DSCAM: variants seen among roughly 807,000 people sequenced by gnomAD.
DSCAM encodes DS cell adhesion molecule.
Under a neutral mutation model 217.7 loss-of-function variants are expected in DSCAM, and 47 were observed. The ratio of observed to expected loss-of-function variants is 0.22; its 90% CI spans 0.17 to 0.28. The LOEUF is 0.28. DSCAM is among the 10% of genes least tolerant of loss of function. The pLI is 1.00. For missense variants in DSCAM, 2,080 were observed against 2,618.3 expected (o/e 0.79, Z 4.49); for synonymous variants, 1,056 against 1,015.3 (o/e 1.04, Z -0.76).
intron 20 of DSCAM, among the ~76,000 whole-genome samples, chr21:40,095,501 C>A (rs2089664476): frequency 6.6e-6 from 1 of 152,038 alleles, no homozygotes; most frequent in Admixed American, 6.6e-5. Flanking sequence ...ATAGGCAGAT[C>A]GATGGCAACA....
chr21:40,365,621 C>T (rs2074823607), intron 4 of DSCAM, among the ~76,000 whole-genome samples: 1 of 152,068 alleles, frequency 6.6e-6, no homozygotes, highest in Non-Finnish European at 1.5e-5. Flanking sequence ...GACTAGACTC[C>T]AATTTTTACC....
At chr21:40,577,398 G>A (rs763017108) in intron 3 of DSCAM, among the ~76,000 whole-genome samples, 63 of 151,556 alleles carry the variant, frequency 4.2e-4, no homozygotes, top group African/African-American at 5.8e-4. Context: ...TAGTCGATCC[G>A]CTCTCCTCCG....
intron 8 of DSCAM, among the ~76,000 whole-genome samples, chr21:40,314,341 C>A (rs8127860): frequency 6.6e-6 from 1 of 152,084 alleles, no homozygotes; most frequent in African/African-American, 2.4e-5. Flanking sequence ...TCAAAGGTAC[C>A]GACAAGCATA....
intron 4 of DSCAM, among the ~76,000 whole-genome samples, chr21:40,358,498 T>C (rs73229130): frequency 0.064 from 9,762 of 152,018 alleles, 391 homozygotes; most frequent in East Asian, 0.21. Context: ...AAAATCAACA[T>C]AATAAACTTC....
chr21:40,743,140 G>C (rs182305066), intron 1 of DSCAM, among the ~76,000 whole-genome samples: 57 of 152,272 alleles, frequency 3.7e-4, no homozygotes, highest in Non-Finnish European at 6.2e-4. Context: ...CCTGAATACA[G>C]AGTGGCTGAA....
At chr21:40,052,511 C>T (rs2088949757) in intron 29 of DSCAM, among the ~76,000 whole-genome samples, 1 of 152,178 alleles carries the variant, frequency 6.6e-6, no homozygotes, top group Non-Finnish European at 1.5e-5. Context: ...AGACAGGTCC[C>T]TTTGGCTGCT....
intron 3 of DSCAM, among the ~76,000 whole-genome samples, chr21:40,569,014 T>C (rs192795277): frequency 4.7e-4 from 72 of 152,254 alleles, no homozygotes; most frequent in African/African-American, 1.7e-3. Flanking sequence ...AGATAGGCTG[T>C]TTATCCCCCT....
At chr21:40,724,498 G>A (rs1218539280) in intron 1 of DSCAM, among the ~76,000 whole-genome samples, 6 of 152,036 alleles carry the variant, frequency 3.9e-5, no homozygotes, top group African/African-American at 1.2e-4. Flanking sequence ...TGGAGAGAGA[G>A]GGAAAAAATT....
At chr21:40,673,888 G>A (rs932412576) in intron 3 of DSCAM, among the ~76,000 whole-genome samples, 1 of 152,114 alleles carries the variant, frequency 6.6e-6, no homozygotes, top group Admixed American at 6.5e-5. Context: ...AGAACCGTGA[G>A]CCGGTTAAAT....
chr21:40,218,171 A>AAC, intron 11 of DSCAM, among the ~76,000 whole-genome samples: 1 of 152,030 alleles, frequency 6.6e-6, no homozygotes, highest in African/African-American at 2.4e-5. Flanking sequence ...ATTTTTGTAC[A>AAC]TGTTGTAAGA....
intron 3 of DSCAM, among the ~76,000 whole-genome samples, chr21:40,533,521 C>A (rs1004093823): frequency 6.6e-6 from 1 of 151,266 alleles, no homozygotes; most frequent in Non-Finnish European, 1.5e-5. Context: ...ATCCATCCAT[C>A]CATCTGTCCA....
At chr21:40,258,540 T>A (rs2073405301) in intron 11 of DSCAM, among the ~76,000 whole-genome samples, 1 of 152,260 alleles carries the variant, frequency 6.6e-6, no homozygotes, top group Non-Finnish European at 1.5e-5. Context: ...GAATAAACAG[T>A]AACTTCTCTT....
chr21:40,057,709 C>T (rs1456743546), intron 28 of DSCAM, among the ~76,000 whole-genome samples: 2 of 151,962 alleles, frequency 1.3e-5, no homozygotes, highest in South Asian at 2.1e-4. Flanking sequence ...TTCAACTCTG[C>T]GAACCAGGAC....
chr21:40,845,541 C>CTT (rs1491397574), intron 1 of DSCAM, among the ~76,000 whole-genome samples: 2 of 29,994 alleles, frequency 6.7e-5, no homozygotes, highest in Non-Finnish European at 1.1e-4. Flanking sequence ...TCTTCTTCTC[C>CTT]TCTCTCTCTC....
At chr21:40,162,974 G>A (rs1175258951) in intron 16 of DSCAM, among the ~76,000 whole-genome samples, 2 of 151,940 alleles carry the variant, frequency 1.3e-5, no homozygotes, top group East Asian at 3.9e-4. Context: ...AAAAAACTCT[G>A]TCTTAAATTG....
chr21:40,728,898 TTG>T (rs1314244394), intron 1 of DSCAM, among the ~76,000 whole-genome samples: 68 of 152,304 alleles, frequency 4.5e-4, no homozygotes, highest in African/African-American at 1.5e-3. Context: ...GGATTCCGTA[TTG>T]TGTGTCAGCA....
At chr21:40,048,860 G>C (rs2088883957) in intron 30 of DSCAM, among the ~76,000 whole-genome samples, 1 of 152,048 alleles carries the variant, frequency 6.6e-6, no homozygotes. Context: ...AAGTTCATGG[G>C]TTTCAGACTC....
chr21:40,844,761 G>A (rs2092130742), intron 1 of DSCAM, among the ~76,000 whole-genome samples: 1 of 151,294 alleles, frequency 6.6e-6, no homozygotes, highest in African/African-American at 2.5e-5. Context: ...GAGGCTAATA[G>A]TCTGTATCAG....
intron 3 of DSCAM, among the ~76,000 whole-genome samples, chr21:40,596,624 TGTG>T (rs2077023340): frequency 6.6e-6 from 1 of 152,090 alleles, no homozygotes; most frequent in South Asian, 2.1e-4. Flanking sequence ...AACACAGAAT[TGTG>T]GTAATTTCTT....
Sources: allele counts gnomAD v4.1 joint callset (sites outside exome capture counted in the v4.1 genomes callset), GRCh38; gene constraint gnomAD v4.1.1; transcripts MANE v1.5; gene names NCBI Gene and HGNC (gene_info 2026-07-23, HGNC 2026-07-21).